ROBO2: variants seen among roughly 807,000 people sequenced by gnomAD.
The protein encoded by ROBO2 is roundabout guidance receptor 2.
Under a neutral mutation model 160.8 loss-of-function variants are expected in ROBO2, and 53 were observed. That is an observed-to-expected ratio of 0.33 (90% confidence interval 0.26 to 0.41). The LOEUF (loss-of-function observed/expected upper bound fraction) is 0.41, where lower values mean the gene tolerates loss of function less well. Among genes scored for constraint, ROBO2 ranks in the 10% least tolerant of loss-of-function variants. The probability of loss-of-function intolerance (pLI) is 1.00; values close to 1 mark genes in which losing one functional copy is unlikely to be tolerated. For synonymous variants in ROBO2, 664 were observed against 611.7 expected (o/e 1.09, Z -1.26); for missense variants, 1,577 against 1,722.4 (o/e 0.92, Z 1.49).
chr3:76,677,153 G>A lies in ROBO2; in HGVS notation c.110-420861G>A, dbSNP rs559157223. ...GATATAACAACATTCCTTAATGGAAGTATCACTATGTACCCAAACAGTGTA... is the reference window on the plus strand; with the variant it reads ...GATATAACAACATTCCTTAATGGAAATATCACTATGTACCCAAACAGTGTA... On this transcript the variant is annotated intron_variant, in intron 2 of 26. Transcript: ENST00000487694. Among the ~76,000 whole-genome samples, 4 of 152,040 alleles carry A rather than the reference G, an allele frequency of 2.6e-5. No homozygotes were observed. The East Asian group carries it at 7.8e-4, about 29-fold the overall frequency.
chr3:76,153,120 A>T (rs1050106750), intron 2 of ROBO2, among the ~76,000 whole-genome samples: 26 of 152,264 alleles, frequency 1.7e-4, no homozygotes, highest in African/African-American at 3.6e-4. Context: ...TCCCATGAAA[A>T]CCTAATTCAA....
intron 2 of ROBO2, among the ~76,000 whole-genome samples, chr3:76,287,776 C>T (rs1311244796): frequency 6.6e-6 from 1 of 152,186 alleles, no homozygotes; most frequent in East Asian, 1.9e-4. Context: ...ATCAATCTGC[C>T]TCATAGGGTT....
At chr3:76,887,278 C>T (rs2073978642) in intron 2 of ROBO2, among the ~76,000 whole-genome samples, 1 of 137,930 alleles carries the variant, frequency 7.3e-6, no homozygotes, top group Non-Finnish European at 1.5e-5. Context: ...AAAAATTAGC[C>T]ATGTCATTTT....
chr3:77,390,097 G>A (rs1560701628), intron 2 of ROBO2, among the ~76,000 whole-genome samples: 2 of 152,124 alleles, frequency 1.3e-5, no homozygotes, highest in Non-Finnish European at 2.9e-5. Flanking sequence ...ATGGGGAAGT[G>A]GGATCAATGA....
intron 2 of ROBO2, among the ~76,000 whole-genome samples, chr3:76,968,808 G>A (rs1238290533): frequency 1.3e-5 from 2 of 152,070 alleles, no homozygotes; most frequent in African/African-American, 4.8e-5. Context: ...GACATTCTCT[G>A]TTGTTATGTA....
chr3:77,282,960 T>A (rs9827759), intron 2 of ROBO2, among the ~76,000 whole-genome samples: 54,661 of 134,200 alleles, frequency 0.41, 10,776 homozygotes, highest in East Asian at 0.56. Context: ...CTTCTGCTTT[T>A]AAAAAAAAAA....
chr3:76,732,043 G>A (rs1381555787), intron 2 of ROBO2, among the ~76,000 whole-genome samples: 1 of 152,078 alleles, frequency 6.6e-6, no homozygotes, highest in Admixed American at 6.6e-5. Context: ...TTTCACCCGG[G>A]AATCATGTGA....
intron 2 of ROBO2, among the ~76,000 whole-genome samples, chr3:77,106,945 TCTA>T (rs567820004): frequency 1.3e-5 from 2 of 152,246 alleles, no homozygotes; most frequent in Non-Finnish European, 2.9e-5. Context: ...TCCTCCTTTG[TCTA>T]CTAAGACGTC....
At chr3:76,288,227 G>A (rs2107692913) in intron 2 of ROBO2, among the ~76,000 whole-genome samples, 1 of 152,126 alleles carries the variant, frequency 6.6e-6, no homozygotes, top group East Asian at 1.9e-4. Flanking sequence ...ATTAAAATAG[G>A]AAATAACCTC....
At chr3:76,170,002 G>C (rs1401746612) in intron 2 of ROBO2, among the ~76,000 whole-genome samples, 1 of 152,020 alleles carries the variant, frequency 6.6e-6, no homozygotes, top group African/African-American at 2.4e-5. Flanking sequence ...GGATGGTCTC[G>C]ATCTCCTGAC....
At chr3:76,328,743 C>T (rs554868293) in intron 2 of ROBO2, among the ~76,000 whole-genome samples, 8 of 152,026 alleles carry the variant, frequency 5.3e-5, no homozygotes, top group Admixed American at 3.9e-4. Flanking sequence ...CCTGTAGTCT[C>T]AGCTACTCGG....
intron 2 of ROBO2, among the ~76,000 whole-genome samples, chr3:76,990,947 C>A (rs1195660742): frequency 6.6e-6 from 1 of 152,100 alleles, no homozygotes; most frequent in Non-Finnish European, 1.5e-5. Flanking sequence ...GGCAGCCCAC[C>A]CCAACGGAAG....
intron 2 of ROBO2, among the ~76,000 whole-genome samples, chr3:77,423,349 C>T (rs1322685566): frequency 6.6e-6 from 1 of 152,054 alleles, no homozygotes. Context: ...CTGCCATGAG[C>T]TTTCAAAGTA....
chr3:77,633,540 T>C (rs1461178889), intron 23 of ROBO2: 2 of 152,120 alleles, frequency 1.3e-5, no homozygotes, highest in Non-Finnish European at 2.9e-5. Flanking sequence ...AATAAAACAT[T>C]AAGTACATTT....
chr3:76,000,910 C>T (rs183966911), intron 2 of ROBO2, among the ~76,000 whole-genome samples: 57 of 152,096 alleles, frequency 3.7e-4, no homozygotes, highest in African/African-American at 9.9e-4. Context: ...CTTTTAGTAG[C>T]GAACTTAATC....
At chr3:77,204,317 G>A (rs1473425475) in intron 2 of ROBO2, among the ~76,000 whole-genome samples, 1 of 151,788 alleles carries the variant, frequency 6.6e-6, no homozygotes, top group East Asian at 1.9e-4. Context: ...TTTTTTTTTA[G>A]CAAAATATGC....
At chr3:77,408,118 A>G (rs192330672) in intron 2 of ROBO2, among the ~76,000 whole-genome samples, 1 of 152,220 alleles carries the variant, frequency 6.6e-6, no homozygotes, top group Non-Finnish European at 1.5e-5. Flanking sequence ...TAAACAAACA[A>G]AAAAACCTTC....
chr3:77,441,616 C>A (rs934901589), intron 2 of ROBO2, among the ~76,000 whole-genome samples: 3 of 151,970 alleles, frequency 2.0e-5, no homozygotes, highest in African/African-American at 7.3e-5. Context: ...AATCAGTGTT[C>A]TGAAGGACAG....
At chr3:76,294,594 GT>G (rs1478579795) in intron 2 of ROBO2, among the ~76,000 whole-genome samples, 2 of 152,166 alleles carry the variant, frequency 1.3e-5, no homozygotes, top group African/African-American at 4.8e-5. Flanking sequence ...TATATTCCAA[GT>G]GCTGACTCTG....
Sources: gnomAD v4.1 joint callset for allele counts (sites outside exome capture counted in the v4.1 genomes callset) on GRCh38, gnomAD v4.1.1 for gene constraint, MANE v1.5 for transcripts, NCBI Gene and HGNC (gene_info 2026-07-23, HGNC 2026-07-21) for gene names.